ADGRG1: variants seen among roughly 807,000 people sequenced by gnomAD.
ADGRG1 encodes the protein 7-transmembrane protein with no EGF-like N-terminal domains-1.
A neutral mutation model predicts 73.5 loss-of-function variants in ADGRG1; 53 were observed. The ratio of observed to expected loss-of-function variants is 0.72; its 90% CI spans 0.58 to 0.91. The LOEUF (loss-of-function observed/expected upper bound fraction) is 0.91, where lower values mean the gene tolerates loss of function less well. Among genes scored for constraint, ADGRG1 ranks in the 40% least tolerant of loss-of-function variants. The pLI is 0.00. For missense variants in ADGRG1, 795 were observed against 871.8 expected (o/e 0.91, Z 1.11); for synonymous variants, 394 against 374.4 (o/e 1.05, Z -0.60).
In ADGRG1 at chr16:57,660,336, T is replaced by C. The variant is rs57002265; in HGVS notation, c.1556-432T>C. ...TTGGAGGTGTCTCTGTGTCAGGACT[T>C]TGTGTTTGGAGGTGGGCAGCCCCCT... On this transcript the variant is annotated intron_variant, in intron 11 of 13. Transcript: ENST00000562631. 7.6e-4 allele frequency: 753 copies of C among 985,008 alleles called. 8 individuals are homozygous for C. The African/African-American group carries it at 0.013, about 16-fold the overall frequency. The allele number at this position is 985,008 out of a possible 1,614,324, so 61.0% of individuals were successfully genotyped here.
At chr16:57,657,552 G>T (rs1473735835) in intron 10 of ADGRG1, 61 bp downstream of exon 10, 3 of 1,246,370 alleles carry the variant, frequency 2.4e-6, no homozygotes, top group Non-Finnish European at 3.5e-6. Flanking sequence ...CCTCCACCAG[G>T]GCGCCGCACA....
chr16:57,651,403 T>A lies in ADGRG1; in HGVS notation c.268T>A (p.Phe90Ile), dbSNP rs1317601100. The change falls in exon 3 of 14, where the codon TTC (phenylalanine) becomes ATC (isoleucine). Residue 90 changes from phenylalanine to isoleucine, a missense_variant. Physicochemically the swap from Phe to Ile is conservative, Grantham distance 21 (BLOSUM62 0). Transcript: ENST00000562631. ...SFPDPRGLYH[F>I]CLYWNRHAGR... Reference sequence around the variant, plus strand: ...CCCTGACCCCAGGGGCCTCTACCACTTCTGCCTCTACTGGAACCGACATGC... The same window carrying A: ...CCCTGACCCCAGGGGCCTCTACCACATCTGCCTCTACTGGAACCGACATGC... 1 of 1,614,074 alleles carries A rather than the reference T, an allele frequency of 6.2e-7. No homozygotes were observed. Among genetic ancestry groups the A allele is most frequent in the African/African-American group, 1.3e-5 (1 of 74,930 alleles).
chr16:57,651,806 G>A (rs769169541), intron 3 of ADGRG1, 184 bp downstream of exon 3: 14 of 1,479,330 alleles, frequency 9.5e-6, no homozygotes, highest in Non-Finnish European at 6.3e-6. Context: ...AGGATTACAG[G>A]CATGAACCAC....
chr16:57,655,009 T>A (rs1193955984), intron 5 of ADGRG1: 1 of 975,072 alleles, frequency 1.0e-6, no homozygotes, highest in Non-Finnish European at 1.2e-6. Context: ...CGTGAGCCAC[T>A]GCACCCAGCC....
At chr16:57,658,140 T>A (rs1404456633) in intron 10 of ADGRG1, among the ~76,000 whole-genome samples, 1 of 152,152 alleles carries the variant, frequency 6.6e-6, no homozygotes, top group African/African-American at 2.4e-5. Flanking sequence ...AAAGGAAAGA[T>A]TTTTCATTTC....
At chr16:57,633,226 C>T (rs755182539) in intron 1 of ADGRG1, 33 of 722,032 alleles carry the variant, frequency 4.6e-5, no homozygotes, top group Admixed American at 6.3e-5. Flanking sequence ...AAAGTATGTA[C>T]CTAGCACAGT....
rs370192292 is a variant in ADGRG1, at chr16:57,653,192, C to A, written c.488-11C>A. The A allele has an allele frequency of 1.2e-6, 2 of 1,606,648 alleles. No individual in the cohort carries two copies. The highest frequency in any genetic ancestry group is 1.3e-5 in the African/African-American group (1 of 74,890). ...GCAGCCTCGGCGGGGGCCTGTCCAC[C>A]CCTCCCCCAGGTCCTCCCCACACGG... On this transcript the variant is annotated splice_polypyrimidine_tract_variant and intron_variant, in intron 3 of 13. Coordinates refer to ENST00000562631, the MANE Select transcript of ADGRG1 (RefSeq NM_201525.4).
chr16:57,648,783 C>G (rs1259256107), intron 1 of ADGRG1: 4 of 891,092 alleles, frequency 4.5e-6, no homozygotes, highest in Non-Finnish European at 5.4e-6. Context: ...CCAGCTCTGC[C>G]ACAGGGCCGG....
chr16:57,637,177 A>G, intron 1 of ADGRG1: 1 of 287,276 alleles, frequency 3.5e-6, no homozygotes, highest in Non-Finnish European at 5.2e-6. Flanking sequence ...TGATTTCAGC[A>G]GTCCTGCTGC....
At chr16:57,641,038 T>C in intron 1 of ADGRG1, 1 of 985,466 alleles carries the variant, frequency 1.0e-6, no homozygotes, top group Non-Finnish European at 1.2e-6. Context: ...TTCAGCATCC[T>C]CTTTGTCCCT....
intron 1 of ADGRG1, among the ~76,000 whole-genome samples, chr16:57,644,594 ACT>A (rs1478956151): frequency 2.8e-5 from 4 of 144,936 alleles, no homozygotes; most frequent in East Asian, 4.1e-4. Context: ...CTGATCACAC[ACT>A]CATGCAAGGG....
chr16:57,634,817 G>A (rs959491798), intron 1 of ADGRG1, among the ~76,000 whole-genome samples: 1 of 152,190 alleles, frequency 6.6e-6, no homozygotes, highest in South Asian at 2.1e-4. Context: ...CACATTCCCC[G>A]GAGTCGCTAT....
At chr16:57,636,087 G>A (rs1333502213) in intron 1 of ADGRG1, 15 of 985,246 alleles carry the variant, frequency 1.5e-5, no homozygotes, top group African/African-American at 1.7e-5. Context: ...TGACCTTGGA[G>A]AGCCCATGGG....
rs770799407 is a variant in ADGRG1, at chr16:57,663,602, A to G, written c.*20A>G. 1.2e-6 allele frequency: 2 copies of G among 1,611,058 alleles called. No homozygotes were observed. The highest frequency in any genetic ancestry group is 1.7e-6 in the Non-Finnish European group (2 of 1,179,656). On this transcript the variant is annotated 3_prime_UTR_variant, in exon 14 of 14. Transcript: ENST00000562631. ...ATCTAGGCCTCCAGCCCACCTGCCC[A>G]TGTGATGAAGCAGAGATTCGGCCTC...
upstream of ADGRG1, chr16:57,622,735 C>CA (rs1567654843): frequency 4.1e-6 from 4 of 982,554 alleles, no homozygotes; most frequent in Non-Finnish European, 4.8e-6. Context: ...GGAGGCTAGG[C>CA]AAAAGGTCAG....
intron 5 of ADGRG1, 94 bp downstream of exon 5, chr16:57,654,227 C>A: frequency 7.8e-7 from 1 of 1,277,928 alleles, no homozygotes; most frequent in Non-Finnish European, 1.1e-6. Flanking sequence ...TCAGTGCCGT[C>A]GCAGCCTCTC....
intron 3 of ADGRG1, chr16:57,652,909 C>G (rs1022768373): frequency 7.9e-7 from 1 of 1,271,978 alleles, no homozygotes; most frequent in African/African-American, 1.5e-5. Context: ...TGGGCCCTCT[C>G]TGCTCCGTGT....
intron 1 of ADGRG1, chr16:57,635,965 CAGCTCT>C: frequency 1.0e-6 from 1 of 985,398 alleles, no homozygotes; most frequent in Non-Finnish European, 1.2e-6. Flanking sequence ...TGCCCTGCCC[CAGCTCT>C]GCCTCGTGAG....
chr16:57,656,040 C>T lies in ADGRG1; in HGVS notation c.1017+48C>T, dbSNP rs755449229. ...GAGAACAAGCGCCCCTCGGCCATGT[C>T]ACCCTTTCCTCTCCCTCCCTCCAGA... is the stretch of plus-strand genomic sequence containing the variant. On this transcript the variant is annotated intron_variant, in intron 7 of 13. Transcript: ENST00000562631. The T allele has an allele frequency of 2.5e-6, 4 of 1,613,790 alleles. No homozygotes were observed. In the South Asian group the frequency reaches 4.4e-5, roughly 18 times the overall value.
Sources: gnomAD v4.1 joint callset for allele counts (sites outside exome capture counted in the v4.1 genomes callset) on GRCh38, gnomAD v4.1.1 for gene constraint, MANE v1.5 for transcripts, NCBI Gene and HGNC (gene_info 2026-07-23, HGNC 2026-07-21) for gene names.